Variants in RYR3 observed in about 807,000 individuals in gnomAD.
RYR3 encodes ryanodine receptor 3.
Under a neutral mutation model 584.3 loss-of-function variants are expected in RYR3, and 207 were observed. The ratio of observed to expected loss-of-function variants is 0.35; its 90% CI spans 0.32 to 0.40. The LOEUF is 0.40. Among genes scored for constraint, RYR3 ranks in the 10% least tolerant of loss-of-function variants. The pLI, the probability that RYR3 is intolerant of heterozygous loss-of-function variation, is 1.00. For missense variants in RYR3, 5,616 were observed against 6,089.2 expected (o/e 0.92, Z 2.59); for synonymous variants, 2,416 against 2,248.5 (o/e 1.07, Z -2.11).
chr15:33,575,449 A>G (rs1046283557), intron 12 of RYR3, among the ~76,000 whole-genome samples: 1 of 152,044 alleles, frequency 6.6e-6, no homozygotes, highest in African/African-American at 2.4e-5. Context: ...TCAAATTAGA[A>G]CTCAAGAAAC....
At chr15:33,636,193 T>C (rs1026953713) in intron 26 of RYR3, among the ~76,000 whole-genome samples, 183 bp from the exon 27 acceptor site, 11 of 152,210 alleles carry the variant, frequency 7.2e-5, no homozygotes, top group Admixed American at 7.2e-4. Context: ...AGACTTGGGC[T>C]ACCTTGTGTG....
At chr15:33,323,729 C>G (rs1969317044) in intron 1 of RYR3, among the ~76,000 whole-genome samples, 1 of 152,178 alleles carries the variant, frequency 6.6e-6, no homozygotes, top group African/African-American at 2.4e-5. Context: ...CCAAGTCATG[C>G]TTTTAACTCA....
In RYR3 at chr15:33,659,141, G is replaced by A. The variant is rs554082528; in HGVS notation, c.4309-579G>A. Among the ~76,000 whole-genome samples, 426 of 152,304 alleles carry A rather than the reference G, an allele frequency of 2.8e-3. 3 individuals carry two copies. The highest frequency in any genetic ancestry group is 4.8e-3 in the South Asian group (23 of 4,828). ...GCAGTGGGCAGAGGGCAGGGATGCCGCTCAACATCCTACAGTGCATGGGAT... is the reference window on the plus strand; with the variant it reads ...GCAGTGGGCAGAGGGCAGGGATGCCACTCAACATCCTACAGTGCATGGGAT... On this transcript the variant is annotated intron_variant, in intron 32 of 103. Transcript: ENST00000634891.
At chr15:33,629,507 C>G (rs556653115) in intron 21 of RYR3, among the ~76,000 whole-genome samples, 7 of 152,318 alleles carry the variant, frequency 4.6e-5, no homozygotes, top group Non-Finnish European at 7.3e-5. Flanking sequence ...AATGTGGCTA[C>G]TAGAAAATTT....
rs777837291 is a variant in RYR3, at chr15:33,486,514, CA to C, written c.171+12977del. On this transcript the variant is annotated intron_variant, in intron 2 of 103. Coordinates refer to ENST00000634891, the MANE Select transcript of RYR3 (RefSeq NM_001036.6). ...TCTGATAAGGTCATATTCACAGGTA[CA>C]GGGGGTTAGGAATTCAACATATCTT... Among the ~76,000 whole-genome samples, 4 of 152,108 alleles carry C rather than the reference CA, an allele frequency of 2.6e-5. No individual in the cohort carries two copies. The East Asian group carries it at 5.8e-4, about 22-fold the overall frequency.
intron 39 of RYR3, 77 bp downstream of exon 39, chr15:33,696,568 A>G: frequency 1.4e-6 from 2 of 1,400,656 alleles, no homozygotes; most frequent in Non-Finnish European, 2.0e-6. Context: ...ATATAGAGAT[A>G]TAGTGGAATC....
At chr15:33,607,779 G>A (rs1017289831) in intron 18 of RYR3, among the ~76,000 whole-genome samples, 2 of 151,906 alleles carry the variant, frequency 1.3e-5, no homozygotes, top group Non-Finnish European at 2.9e-5. Flanking sequence ...CTTTTCTACT[G>A]TTAGCCTAAT....
intron 16 of RYR3, among the ~76,000 whole-genome samples, chr15:33,598,883 C>A (rs1054906719): frequency 6.6e-6 from 1 of 152,060 alleles, no homozygotes; most frequent in Non-Finnish European, 1.5e-5. Flanking sequence ...GAAACCCTGT[C>A]TCTACTAAAA....
rs2043489070 is a variant in RYR3, at chr15:33,412,608, A to G, written c.52-60811A>G. Among the ~76,000 whole-genome samples, 1 of 151,846 alleles carries G rather than the reference A, an allele frequency of 6.6e-6. No individual in the cohort carries two copies. Among genetic ancestry groups the G allele is most frequent in the Non-Finnish European group, 1.5e-5 (1 of 67,958 alleles). ...TTGTCACCAGGCCCAGAAATATGGG[A>G]CTCAGGCCTCTTTCTGCAGCAATGG... On this transcript the variant is annotated intron_variant, in intron 1 of 103. Coordinates refer to ENST00000634891, the MANE Select transcript of RYR3 (RefSeq NM_001036.6). This position sits in a 1 kb window ranked among gnomAD's most constrained non-coding sequence, Gnocchi z 4.3.
At chr15:33,658,093 G>A (rs1979739) in intron 32 of RYR3, among the ~76,000 whole-genome samples, 27,377 of 152,204 alleles carry the variant, frequency 0.18, 3,172 homozygotes, top group Admixed American at 0.24. Context: ...ATATTTATTA[G>A]CCCATGATTT....
At chr15:33,379,687 C>CTCTCTCTCTCTCTCTCTCTATATA in intron 1 of RYR3, among the ~76,000 whole-genome samples, 31 of 125,516 alleles carry the variant, frequency 2.5e-4, no homozygotes, top group African/African-American at 1.0e-3. Context: ...CTCTCTCTCT[C>CTCTCTCTCTCTCTCTCTCTATATA]TATATATATA....
intron 1 of RYR3, among the ~76,000 whole-genome samples, chr15:33,312,015 G>A (rs1967390016): frequency 6.6e-6 from 1 of 152,200 alleles, no homozygotes; most frequent in Non-Finnish European, 1.5e-5. Context: ...CGCATAATCC[G>A]CCCTACTCAG....
chr15:33,845,578 A>G lies in RYR3; in HGVS notation c.13497+516A>G, dbSNP rs567571378. Among the ~76,000 whole-genome samples, 7 of 152,154 alleles carry G rather than the reference A, an allele frequency of 4.6e-5. No individual in the cohort carries two copies. The East Asian group carries it at 1.2e-3, about 25-fold the overall frequency. ...CCCTAAGTCCTTTAACTCAGAATCT[A>G]CCACTTAGCATGATCACTGGGCAAT... is the stretch of plus-strand genomic sequence containing the variant. On this transcript the variant is annotated intron_variant, in intron 93 of 103. Coordinates refer to ENST00000634891, the MANE Select transcript of RYR3 (RefSeq NM_001036.6).
chr15:33,327,942 T>G (rs1969925358), intron 1 of RYR3, among the ~76,000 whole-genome samples: 1 of 152,200 alleles, frequency 6.6e-6, no homozygotes, highest in Non-Finnish European at 1.5e-5. Flanking sequence ...ATTCAGAAAT[T>G]GCAGGTTATA....
chr15:33,644,557 G>A (rs189252607), intron 28 of RYR3, 38 bp downstream of exon 28: 11 of 1,524,994 alleles, frequency 7.2e-6, no homozygotes, highest in Non-Finnish European at 1.0e-5. Context: ...GGCAGGTCAG[G>A]TGGGCCAAGG....
chr15:33,327,033 A>G (rs866009607), intron 1 of RYR3, among the ~76,000 whole-genome samples: 3 of 151,716 alleles, frequency 2.0e-5, no homozygotes, highest in African/African-American at 4.8e-5. Context: ...ACTGACAGAG[A>G]ACTGGCATTG....
rs375544562 is a variant in RYR3, at chr15:33,662,230, C to T, written c.4700C>T (p.Ala1567Val). 27 of 1,608,994 alleles carry T rather than the reference C, an allele frequency of 1.7e-5. No individual in the cohort carries two copies. Among genetic ancestry groups the T allele is most frequent in the East Asian group, 4.5e-5 (2 of 44,740 alleles). ...TACCACACGCTGAGGCTCTACAGCG[C>T]GGTGTGCGCCCTGGGAAACAGCCGC... ...FHYHTLRLYSAVCALGNSRVA... is the reference protein window; with the variant it reads ...FHYHTLRLYSVVCALGNSRVA... The change falls in exon 35 of 104, where the codon GCG becomes GTG. Residue 1567 changes from alanine to valine, a missense_variant. This residue lies in a region of RYR3 where 753 missense variants were observed against 741.0 expected (regional missense o/e 1.02). Coordinates refer to ENST00000634891, the MANE Select transcript of RYR3 (RefSeq NM_001036.6).
Position 33,464,503 on chromosome 15 carries a change from T to TATACACAC in RYR3, c.52-8915_52-8914insTACACACA, listed in dbSNP as rs1180164194. 2.2e-3 allele frequency among the ~76,000 whole-genome samples: 236 copies of TATACACAC among 105,888 alleles called. 8 individuals are homozygous for TATACACAC. Among genetic ancestry groups the TATACACAC allele is most frequent in the African/African-American group, 7.7e-3 (229 of 29,758 alleles). 69.5% of individuals were successfully genotyped at this position (105,888 alleles called of 152,430 possible). A position where few individuals can be genotyped will look rare whatever the true frequency, so the allele number is the denominator to read the frequency against. On this transcript the variant is annotated intron_variant, in intron 1 of 103. Coordinates refer to ENST00000634891, the MANE Select transcript of RYR3 (RefSeq NM_001036.6). ...ATATATATATATACACATATATATA[T>TATACACAC]ACATACACATACACATATATGTACA... is the stretch of plus-strand genomic sequence containing the variant.
At chr15:33,747,499 A>G (rs2070857910) in intron 53 of RYR3, among the ~76,000 whole-genome samples, 1 of 133,978 alleles carries the variant, frequency 7.5e-6, no homozygotes, top group Non-Finnish European at 1.5e-5. Flanking sequence ...ATCTTGGCTC[A>G]GTGCAAGCTT....
Sources: allele counts gnomAD v4.1 joint callset (sites outside exome capture counted in the v4.1 genomes callset), GRCh38; gene constraint gnomAD v4.1.1; regional missense constraint gnomAD v4.1.1; non-coding constraint Gnocchi (gnomAD v3.1); transcripts MANE v1.5; gene names NCBI Gene and HGNC (gene_info 2026-07-23, HGNC 2026-07-21).